RNF24: variants seen among roughly 807,000 people sequenced by gnomAD.
RNF24 encodes ring finger protein 24.
In RNF24, 14 loss-of-function variants were observed where a neutral mutation model predicts 20.0. That is an observed-to-expected ratio of 0.70 (90% CI 0.46 to 1.10). The LOEUF is 1.10. Ranked by LOEUF, RNF24 falls within the 50% of genes least tolerant of loss-of-function variation. RNF24 has a pLI of 0.00. For synonymous variants in RNF24, 45 were observed against 61.1 expected (o/e 0.74, Z 1.23); for missense variants, 124 against 177.6 (o/e 0.70, Z 1.71).
chr20:4,006,368 CAA>C (rs11475896), intron 1 of RNF24, among the ~76,000 whole-genome samples: 129 of 128,130 alleles, frequency 1.0e-3, no homozygotes, highest in Non-Finnish European at 9.3e-4. Context: ...GTCTCTGTCT[CAA>C]AAAAAAAAAA....
Position 3,995,934 on chromosome 20 carries a change from C to T in RNF24, c.-8+19503G>A, listed in dbSNP as rs537897473. 8.5e-5 allele frequency among the ~76,000 whole-genome samples: 13 copies of T among 152,174 alleles called. No individual in the cohort carries two copies. The East Asian group carries it at 2.5e-3, about 29-fold the overall frequency. On this transcript the variant is annotated intron_variant, in intron 1 of 5. Transcript: ENST00000358395. ...CTTGCAATTTCATTAGCCCTGAAAG[C>T]TCTCTTTCCTTTATAAAAATGTTTT...
chr20:4,002,594 T>C (rs933022263), intron 1 of RNF24, among the ~76,000 whole-genome samples: 1 of 152,282 alleles, frequency 6.6e-6, no homozygotes, highest in East Asian at 1.9e-4. Flanking sequence ...TATTAAGTAA[T>C]ATTAATCTCA....
chr20:3,999,479 G>C (rs1443046169), intron 1 of RNF24, among the ~76,000 whole-genome samples: 2 of 152,184 alleles, frequency 1.3e-5, no homozygotes, highest in African/African-American at 4.8e-5. Context: ...TCACGGCCGG[G>C]TGCAGTGGCT....
At chr20:3,945,369 A>C in intron 3 of RNF24, 151 bp from the exon 4 acceptor site, 2 of 858,176 alleles carry the variant, frequency 2.3e-6, no homozygotes, top group Non-Finnish European at 3.4e-6. Context: ...TTTGAGACAG[A>C]TCATTTTAGC....
chr20:3,950,750 C>G (rs912402888), intron 2 of RNF24, among the ~76,000 whole-genome samples: 2 of 152,134 alleles, frequency 1.3e-5, no homozygotes, highest in Admixed American at 6.5e-5. Context: ...ATACTATGTC[C>G]ACATTTTATA....
chr20:3,998,466 T>G (rs974258273), intron 1 of RNF24, among the ~76,000 whole-genome samples: 3 of 149,838 alleles, frequency 2.0e-5, no homozygotes, highest in African/African-American at 7.4e-5. Context: ...TCCCAGCTAC[T>G]TGGGAGGCTG....
At position 3,932,751 on chromosome 20, in the gene RNF24, G is replaced by C; in HGVS notation, c.*1312C>G. ...CTAAGATGGAGGGAGGCGGAGAGCA[G>C]GGCTGTGGAAAAGAATTTTCCATCT... On this transcript the variant is annotated 3_prime_UTR_variant, in exon 6 of 6. Transcript: ENST00000358395. 1 of 396,850 alleles carries C rather than the reference G, an allele frequency of 2.5e-6. No homozygotes were observed. The allele number at this position is 396,850 out of a possible 1,614,324, so 24.6% of individuals were successfully genotyped here.
rs200806689 is a variant in RNF24, at chr20:4,005,834, TAGAC to T, written c.-8+9599_-8+9602del. On this transcript the variant is annotated intron_variant, in intron 1 of 5. Coordinates refer to ENST00000358395, the MANE Select transcript of RNF24 (RefSeq NM_001134337.3). ...ATTAAGGCAACATAAAGCATACTGA[TAGAC>T]AGCAGTGAAACTATTAATTTTGAGA... Among the ~76,000 whole-genome samples, 1,439 of 152,310 alleles carry T rather than the reference TAGAC, an allele frequency of 9.4e-3. 22 individuals carry two copies. The highest frequency in any genetic ancestry group is 0.033 in the African/African-American group (1,353 of 41,568).
intron 1 of RNF24, among the ~76,000 whole-genome samples, chr20:3,974,563 G>A (rs897546021): frequency 9.9e-5 from 15 of 151,988 alleles, no homozygotes; most frequent in Non-Finnish European, 1.0e-4. Flanking sequence ...CAAGGTTGCA[G>A]GATACCAGAT....
At chr20:3,954,726 C>T (rs1268688731) in intron 2 of RNF24, among the ~76,000 whole-genome samples, 1 of 151,898 alleles carries the variant, frequency 6.6e-6, no homozygotes, top group African/African-American at 2.4e-5. Flanking sequence ...AGTGAAACTC[C>T]GTCTCTACTA....
rs1169063614 is a variant in RNF24, at chr20:3,927,931, CTT to C, written c.*6130_*6131del. 6.6e-6 allele frequency: 1 copy of C among 152,210 alleles called. No homozygotes were observed. The highest frequency in any genetic ancestry group is 1.5e-5 in the Non-Finnish European group (1 of 68,050). The allele number at this position is 152,210 out of a possible 1,614,324, so 9.4% of individuals were successfully genotyped here. A position where few individuals can be genotyped will look rare whatever the true frequency, so the allele number is the denominator to read the frequency against. ...TGCTTGGTCAAAAAGTGGAGTACAT[CTT>C]TGCATCTTGTAACAATTTGGGCTCT... On this transcript the variant is annotated 3_prime_UTR_variant, in exon 6 of 6. Coordinates refer to ENST00000358395, the MANE Select transcript of RNF24 (RefSeq NM_001134337.3).
At chr20:3,969,095 AC>A (rs759514893) in intron 1 of RNF24, among the ~76,000 whole-genome samples, 30 of 152,140 alleles carry the variant, frequency 2.0e-4, no homozygotes, top group Non-Finnish European at 4.3e-4. Context: ...AATACTAGTA[AC>A]TATTTCATAA....
chr20:3,950,265 G>A (rs1240100757), intron 2 of RNF24, among the ~76,000 whole-genome samples: 1 of 152,144 alleles, frequency 6.6e-6, no homozygotes, highest in Non-Finnish European at 1.5e-5. Context: ...GTTAAGATGA[G>A]GTTATATTGG....
In RNF24 at chr20:3,982,103, GTCTC is replaced by G. The variant is rs34868373; in HGVS notation, c.-7-18083_-7-18080del. Among the ~76,000 whole-genome samples the G allele has an allele frequency of 8.3e-3, 1,140 of 137,060 alleles. 9 individuals are homozygous for G. Among genetic ancestry groups the G allele is most frequent in the African/African-American group, 0.025 (884 of 35,280 alleles). 89.9% of individuals were successfully genotyped at this position (137,060 alleles called of 152,430 possible). A position where few individuals can be genotyped will look rare whatever the true frequency, so the allele number is the denominator to read the frequency against. ...AGCCTGGGCAACAGGGTGAGACCTC[GTCTC>G]TCTCTCTCTCTCTCTCTCTCTCTCT... is the stretch of plus-strand genomic sequence containing the variant. On this transcript the variant is annotated intron_variant, in intron 1 of 5. Coordinates refer to ENST00000358395, the MANE Select transcript of RNF24 (RefSeq NM_001134337.3).
intron 1 of RNF24, among the ~76,000 whole-genome samples, chr20:4,013,211 T>C (rs1982603437): frequency 6.6e-6 from 1 of 152,140 alleles, no homozygotes; most frequent in Non-Finnish European, 1.5e-5. Context: ...CTAAGAATAA[T>C]GTATCCTGAA....
intron 1 of RNF24, among the ~76,000 whole-genome samples, chr20:4,001,124 G>A (rs181022551): frequency 1.2e-4 from 19 of 152,086 alleles, no homozygotes; most frequent in African/African-American, 4.1e-4. Context: ...AAAATTAGCC[G>A]GGCGTGGTGG....
At chr20:3,948,200 A>G in intron 3 of RNF24, 37 bp downstream of exon 3, 1 of 1,520,888 alleles carries the variant, frequency 6.6e-7, no homozygotes, top group East Asian at 2.3e-5. Flanking sequence ...TTGGGGGGAA[A>G]AAAAAAATCA....
intron 1 of RNF24, among the ~76,000 whole-genome samples, chr20:3,982,055 C>T (rs530137964): frequency 1.3e-5 from 2 of 150,676 alleles, no homozygotes; most frequent in Admixed American, 1.3e-4. Flanking sequence ...GAGCAGTGAG[C>T]GCTAATCGCA....
chr20:4,004,998 C>T (rs549764243), intron 1 of RNF24, among the ~76,000 whole-genome samples: 1 of 152,300 alleles, frequency 6.6e-6, no homozygotes, highest in African/African-American at 2.4e-5. Flanking sequence ...TCTGCACTTC[C>T]ATTATCAATA....
Sources: allele counts gnomAD v4.1 joint callset (sites outside exome capture counted in the v4.1 genomes callset), GRCh38; gene constraint gnomAD v4.1.1; transcripts MANE v1.5; gene names NCBI Gene and HGNC (gene_info 2026-07-23, HGNC 2026-07-21).